GPC6: variants seen among roughly 807,000 people sequenced by gnomAD.
GPC6 encodes glypican-6.
GPC6 carries 14 observed loss-of-function variants against 55.2 expected under a neutral mutation model. The observed-to-expected ratio is 0.25, with a 90% CI of 0.17 to 0.40. The LOEUF is 0.40. GPC6 is among the 10% of genes least tolerant of loss of function. The pLI is 1.00. For missense variants in GPC6, 641 were observed against 708.5 expected (o/e 0.90, Z 1.08); for synonymous variants, 278 against 259.6 (o/e 1.07, Z -0.68).
intron 4 of GPC6, among the ~76,000 whole-genome samples, chr13:94,225,730 CTG>C (rs1186613247): frequency 6.6e-6 from 1 of 151,104 alleles, no homozygotes; most frequent in Non-Finnish European, 1.5e-5. Flanking sequence ...TAAAACAAGA[CTG>C]TGTATTAATC....
chr13:93,840,196 A>G, intron 3 of GPC6, among the ~76,000 whole-genome samples: 1 of 152,176 alleles, frequency 6.6e-6, no homozygotes, highest in Admixed American at 6.6e-5. Flanking sequence ...ATAGAGTATT[A>G]GCAAGATTGA....
At chr13:93,815,013 C>T (rs1252829942) in intron 2 of GPC6, among the ~76,000 whole-genome samples, 1 of 152,096 alleles carries the variant, frequency 6.6e-6, no homozygotes, top group African/African-American at 2.4e-5. Flanking sequence ...GCTGTTTGGG[C>T]AAAGCTTTGC....
At chr13:94,033,989 G>C (rs1053855442) in intron 4 of GPC6, among the ~76,000 whole-genome samples, 2 of 152,058 alleles carry the variant, frequency 1.3e-5, no homozygotes, top group Admixed American at 1.3e-4. Context: ...TTGAGCATTC[G>C]TGAAAGCACC....
At chr13:93,726,103 T>TACGCACACAC (rs1883626984) in intron 2 of GPC6, among the ~76,000 whole-genome samples, 1 of 126,768 alleles carries the variant, frequency 7.9e-6, no homozygotes, top group African/African-American at 3.0e-5. Context: ...TTTTCCTTCA[T>TACGCACACAC]ACACACACAC....
At chr13:94,388,822 C>T (rs770062003) in intron 7 of GPC6, among the ~76,000 whole-genome samples, 31 of 152,052 alleles carry the variant, frequency 2.0e-4, no homozygotes, top group Non-Finnish European at 3.4e-4. Context: ...CTCATTCAAC[C>T]GTAAGAGGGT....
At chr13:94,110,715 A>G (rs1022769532) in intron 4 of GPC6, among the ~76,000 whole-genome samples, 2 of 152,208 alleles carry the variant, frequency 1.3e-5, no homozygotes, top group African/African-American at 2.4e-5. Flanking sequence ...TAAATTAAAA[A>G]TAAATCATTT....
chr13:93,282,006 C>A lies in GPC6; in HGVS notation c.160+54390C>A, dbSNP rs547951522. ...GGTGCGAAGGACCAATTTAGCCTCTCATTTTCATTCTTTTATATGTGTACT... is the reference window on the plus strand; with the variant it reads ...GGTGCGAAGGACCAATTTAGCCTCTAATTTTCATTCTTTTATATGTGTACT... On this transcript the variant is annotated intron_variant, in intron 1 of 8. Transcript: ENST00000377047. Among the ~76,000 whole-genome samples the A allele has an allele frequency of 1.8e-3, 277 of 152,248 alleles. 3 individuals are homozygous for A. In the South Asian group the frequency reaches 0.033, roughly 18 times the overall value.
At position 93,939,548 on chromosome 13, in the gene GPC6, G is replaced by GT. The variant is rs548917362; in HGVS notation, c.712-88173dup. ...TATTCAAAGAAAGGCTTAGAGTTAC[G>GT]TTTTTTTTCAATTATTTATCTCAGT... On this transcript the variant is annotated intron_variant, in intron 3 of 8. Transcript: ENST00000377047. 5.5e-4 allele frequency among the ~76,000 whole-genome samples: 84 copies of GT among 151,476 alleles called. 3 individuals are homozygous for GT. The South Asian group carries it at 0.011, about 21-fold the overall frequency.
At chr13:93,553,581 G>C (rs558413469) in intron 2 of GPC6, among the ~76,000 whole-genome samples, 2 of 151,530 alleles carry the variant, frequency 1.3e-5, no homozygotes, top group African/African-American at 4.8e-5. Context: ...TGTAATCCCA[G>C]CTACTCGGGA....
chr13:93,803,837 C>T (rs749766804), intron 2 of GPC6, among the ~76,000 whole-genome samples: 5 of 152,066 alleles, frequency 3.3e-5, no homozygotes, highest in Admixed American at 6.6e-5. Flanking sequence ...GCATCAATGA[C>T]CACACACTAT....
intron 6 of GPC6, among the ~76,000 whole-genome samples, chr13:94,312,635 C>T (rs568971836): frequency 2.6e-5 from 4 of 152,294 alleles, no homozygotes; most frequent in African/African-American, 9.6e-5. Context: ...TCTAGACCTT[C>T]AGCCACTGTG....
chr13:93,917,427 A>G (rs1386625115), intron 3 of GPC6, among the ~76,000 whole-genome samples: 7 of 152,136 alleles, frequency 4.6e-5, no homozygotes, highest in Non-Finnish European at 1.0e-4. Flanking sequence ...ATGGAGTTCT[A>G]TTTTCATGAA....
intron 4 of GPC6, chr13:94,187,253 G>A (rs954517602): frequency 4.6e-5 from 7 of 152,192 alleles, no homozygotes. Context: ...GTTTTATGCA[G>A]TGAATCACCG....
intron 4 of GPC6, among the ~76,000 whole-genome samples, chr13:94,201,632 C>G (rs900934752): frequency 6.6e-6 from 1 of 152,072 alleles, no homozygotes; most frequent in African/African-American, 2.4e-5. Flanking sequence ...TAAGCATCAG[C>G]TGATCAATAA....
chr13:93,754,554 G>A (rs540394329), intron 2 of GPC6, among the ~76,000 whole-genome samples: 3 of 151,796 alleles, frequency 2.0e-5, no homozygotes, highest in East Asian at 1.9e-4. Flanking sequence ...GCTGTCAAAG[G>A]GTACCCTTTA....
intron 6 of GPC6, among the ~76,000 whole-genome samples, chr13:94,350,059 C>CAT (rs774339689): frequency 9.3e-4 from 129 of 139,344 alleles, no homozygotes; most frequent in African/African-American, 2.2e-3. Flanking sequence ...TATATATATA[C>CAT]ATATATATAT....
chr13:93,800,287 G>A (rs1886329363), intron 2 of GPC6, among the ~76,000 whole-genome samples: 1 of 152,138 alleles, frequency 6.6e-6, no homozygotes, highest in African/African-American at 2.4e-5. Flanking sequence ...TACATTTACT[G>A]TGGAGCTTAA....
intron 2 of GPC6, among the ~76,000 whole-genome samples, chr13:93,684,504 G>C (rs1483897919): frequency 6.6e-6 from 1 of 152,086 alleles, no homozygotes; most frequent in Non-Finnish European, 1.5e-5. Context: ...ATTTTTAAAT[G>C]TGTTACACAA....
intron 6 of GPC6, among the ~76,000 whole-genome samples, chr13:94,330,547 T>C (rs1877356831): frequency 6.6e-6 from 1 of 152,164 alleles, no homozygotes; most frequent in South Asian, 2.1e-4. Flanking sequence ...CAAAATGTGA[T>C]TCCTAAACTG....
Sources: gnomAD v4.1 joint callset for allele counts (sites outside exome capture counted in the v4.1 genomes callset) on GRCh38, gnomAD v4.1.1 for gene constraint, MANE v1.5 for transcripts, NCBI Gene and HGNC (gene_info 2026-07-23, HGNC 2026-07-21) for gene names.